MAGI2: variants seen among roughly 807,000 people sequenced by gnomAD.
MAGI2 encodes membrane associated guanylate kinase, WW and PDZ domain containing 2.
A neutral mutation model predicts 133.3 loss-of-function variants in MAGI2; 35 were observed. The ratio of observed to expected loss-of-function variants is 0.26; its 90% confidence interval spans 0.20 to 0.35. The LOEUF (loss-of-function observed/expected upper bound fraction) is 0.35, where lower values mean the gene tolerates loss of function less well. Among genes scored for constraint, MAGI2 ranks in the 10% least tolerant of loss-of-function variants. MAGI2 has a pLI of 1.00. For missense variants in MAGI2, 1,636 were observed against 1,863.4 expected (o/e 0.88, Z 2.25); for synonymous variants, 729 against 710.6 (o/e 1.03, Z -0.41).
intron 1 of MAGI2, among the ~76,000 whole-genome samples, chr7:79,065,351 G>A (rs1814198299): frequency 6.6e-6 from 1 of 152,070 alleles, no homozygotes; most frequent in Non-Finnish European, 1.5e-5. Flanking sequence ...TAGAGGGCAG[G>A]AAGAATATCT....
chr7:78,064,328 T>TTGTGTG (rs3840609), intron 21 of MAGI2, among the ~76,000 whole-genome samples: 26,424 of 148,504 alleles, frequency 0.18, 2,587 homozygotes, highest in African/African-American at 0.28. Flanking sequence ...TGTGATGGTT[T>TTGTGTG]TGTGTGTGTG....
intron 21 of MAGI2, among the ~76,000 whole-genome samples, chr7:78,037,279 CCTGGTTA>C (rs1563034949): frequency 6.6e-6 from 1 of 152,126 alleles, no homozygotes; most frequent in African/African-American, 2.4e-5. Context: ...GCTGCAAGCT[CCTGGTTA>C]CTGCAGGCTT....
chr7:79,047,130 A>G (rs1181909136), intron 1 of MAGI2, among the ~76,000 whole-genome samples: 1 of 152,138 alleles, frequency 6.6e-6, no homozygotes, highest in East Asian at 1.9e-4. Flanking sequence ...TACTGACTTT[A>G]TAACAGGATA....
At chr7:78,776,989 G>C (rs984778142) in intron 2 of MAGI2, among the ~76,000 whole-genome samples, 249 of 152,206 alleles carry the variant, frequency 1.6e-3, no homozygotes, top group African/African-American at 5.7e-3. Context: ...GGATCTATGG[G>C]AACTTTCTCA....
At chr7:78,439,794 C>CT (rs1394689660) in intron 6 of MAGI2, among the ~76,000 whole-genome samples, 1 of 152,082 alleles carries the variant, frequency 6.6e-6, no homozygotes, top group Non-Finnish European at 1.5e-5. Flanking sequence ...AATGTATCAT[C>CT]TTTTCTTTCT....
intron 2 of MAGI2, among the ~76,000 whole-genome samples, chr7:78,690,707 T>C (rs897033808): frequency 2.6e-5 from 4 of 152,212 alleles, no homozygotes; most frequent in East Asian, 1.9e-4. Flanking sequence ...CATTATTTCA[T>C]TGACCATAAG....
At chr7:78,943,349 A>G (rs1422277273) in intron 2 of MAGI2, among the ~76,000 whole-genome samples, 1 of 152,156 alleles carries the variant, frequency 6.6e-6, no homozygotes, top group African/African-American at 2.4e-5. Context: ...GGATTTTCAT[A>G]TGGGTTATAC....
chr7:79,304,733 T>C (rs1401513720), intron 1 of MAGI2, among the ~76,000 whole-genome samples: 1 of 152,222 alleles, frequency 6.6e-6, no homozygotes, highest in African/African-American at 2.4e-5. Context: ...CCAGGTCTAA[T>C]TCCCTCTCAG....
intron 1 of MAGI2, among the ~76,000 whole-genome samples, chr7:79,450,222 T>A (rs946469505): frequency 6.6e-6 from 1 of 152,154 alleles, no homozygotes; most frequent in Non-Finnish European, 1.5e-5. Context: ...TCAGCTATGC[T>A]AGCTTTTGCA....
At chr7:78,452,476 T>C (rs1040280679) in intron 6 of MAGI2, among the ~76,000 whole-genome samples, 1 of 152,044 alleles carries the variant, frequency 6.6e-6, no homozygotes, top group Non-Finnish European at 1.5e-5. Flanking sequence ...AACACTATAC[T>C]ATCTATGTGC....
chr7:78,607,403 G>C (rs146496044), intron 3 of MAGI2, among the ~76,000 whole-genome samples: 30 of 151,592 alleles, frequency 2.0e-4, no homozygotes, highest in Admixed American at 6.6e-4. Context: ...GCGGCTGGCA[G>C]GCCCAGTAGT....
At chr7:78,967,613 A>AT (rs200790578) in intron 2 of MAGI2, among the ~76,000 whole-genome samples, 43 of 145,294 alleles carry the variant, frequency 3.0e-4, no homozygotes, top group South Asian at 8.5e-4. Context: ...TTATGAGTTG[A>AT]TTTTTTTTTT....
intron 2 of MAGI2, among the ~76,000 whole-genome samples, chr7:78,711,169 T>C (rs1356153391): frequency 1.3e-5 from 2 of 152,176 alleles, no homozygotes; most frequent in Non-Finnish European, 2.9e-5. Context: ...TTTACGTATA[T>C]AATTAATTAG....
chr7:78,147,098 C>G lies in MAGI2; in HGVS notation c.2846-11892G>C, dbSNP rs3807696. ...AAGATTACATGAATATTTATTGGCC[C>G]TCCAGTTACACATACAAGCCAAAGT... On this transcript the variant is annotated intron_variant, in intron 16 of 21. Coordinates refer to ENST00000354212, the MANE Select transcript of MAGI2 (RefSeq NM_012301.4). 3.2e-4 allele frequency among the ~76,000 whole-genome samples: 48 copies of G among 152,282 alleles called. 1 individual carries two copies. In the East Asian group the frequency reaches 9.3e-3, roughly 29 times the overall value.
At chr7:79,300,153 T>C (rs543171073) in intron 1 of MAGI2, among the ~76,000 whole-genome samples, 2 of 152,050 alleles carry the variant, frequency 1.3e-5, no homozygotes, top group Admixed American at 6.6e-5. Context: ...TACCTGAAAA[T>C]GTGGATGTGA....
intron 1 of MAGI2, among the ~76,000 whole-genome samples, chr7:79,392,652 G>A (rs1055132225): frequency 2.6e-5 from 4 of 152,098 alleles, no homozygotes; most frequent in African/African-American, 7.2e-5. Flanking sequence ...CAGCATAAAT[G>A]TCTTCTTTTG....
At chr7:79,298,086 G>T (rs1460793762) in intron 1 of MAGI2, among the ~76,000 whole-genome samples, 2 of 152,034 alleles carry the variant, frequency 1.3e-5, no homozygotes, top group Non-Finnish European at 2.9e-5. Flanking sequence ...ATAAGTTATG[G>T]TTTGTTTTTT....
rs554913221 is a variant in MAGI2 at position 79,225,891 on chromosome 7, A to G, written c.302-218685T>C. On this transcript the variant is annotated intron_variant, in intron 1 of 21. Coordinates refer to ENST00000354212, the MANE Select transcript of MAGI2 (RefSeq NM_012301.4). ...ACATTTTATGGCCTGATTATGATGC[A>G]GAGCTGTTGGGAAAATAGTTATTAT... Among the ~76,000 whole-genome samples, 5 of 152,284 alleles carry G rather than the reference A, an allele frequency of 3.3e-5. No homozygotes were observed. The East Asian group carries it at 9.6e-4, about 29-fold the overall frequency.
At chr7:79,450,727 C>T (rs887155947) in intron 1 of MAGI2, among the ~76,000 whole-genome samples, 2 of 152,154 alleles carry the variant, frequency 1.3e-5, no homozygotes, top group Non-Finnish European at 2.9e-5. Context: ...CAAATTATGG[C>T]AAGATTCAAA....
Sources: gnomAD v4.1 joint callset for allele counts (sites outside exome capture counted in the v4.1 genomes callset) on GRCh38, gnomAD v4.1.1 for gene constraint, MANE v1.5 for transcripts, NCBI Gene and HGNC (gene_info 2026-07-23, HGNC 2026-07-21) for gene names.